GRM8: variants seen among roughly 807,000 people sequenced by gnomAD.
GRM8 encodes the protein metabotropic glutamate receptor 8.
In GRM8, 47 loss-of-function variants were observed where a neutral mutation model predicts 87.2. The observed-to-expected ratio is 0.54, with a 90% CI of 0.43 to 0.69. GRM8 has a LOEUF of 0.69. Among genes scored for constraint, GRM8 ranks in the 30% least tolerant of loss-of-function variants. The pLI, the probability that GRM8 is intolerant of heterozygous loss-of-function variation, is 0.00. For missense variants in GRM8, 1,019 were observed against 1,139.2 expected, an observed-to-expected ratio of 0.89 and a Z score of 1.52; for synonymous variants, 396 against 404.5, an observed-to-expected ratio of 0.98 and a Z score of 0.25.
intron 7 of GRM8, among the ~76,000 whole-genome samples, chr7:126,680,381 G>T (rs1262348841): frequency 1.3e-5 from 2 of 152,158 alleles, no homozygotes; most frequent in Non-Finnish European, 2.9e-5. Flanking sequence ...ATATGTTCAA[G>T]TTTCTAAATA....
At chr7:126,743,840 T>A (rs1367615728) in intron 7 of GRM8, among the ~76,000 whole-genome samples, 2 of 152,042 alleles carry the variant, frequency 1.3e-5, no homozygotes, top group African/African-American at 4.8e-5. Context: ...GAAAAACATT[T>A]TCATAGCAAT....
chr7:126,710,360 A>C (rs1164929238), intron 7 of GRM8, among the ~76,000 whole-genome samples: 1 of 152,208 alleles, frequency 6.6e-6, no homozygotes, highest in Non-Finnish European at 1.5e-5. Flanking sequence ...TATGCTGTTT[A>C]ATAGCATTTT....
intron 2 of GRM8, among the ~76,000 whole-genome samples, chr7:127,136,239 C>T (rs1464595456): frequency 1.3e-5 from 2 of 152,108 alleles, no homozygotes; most frequent in South Asian, 2.1e-4. Context: ...ATGAACAGCT[C>T]TCATCAAATT....
chr7:126,974,670 C>G (rs1810771547), intron 3 of GRM8, among the ~76,000 whole-genome samples: 3 of 152,074 alleles, frequency 2.0e-5, no homozygotes, highest in Admixed American at 6.5e-5. Context: ...GTGGCTCACA[C>G]CTATAATTAA....
At chr7:127,023,711 C>G (rs1412485517) in intron 3 of GRM8, among the ~76,000 whole-genome samples, 1 of 152,062 alleles carries the variant, frequency 6.6e-6, no homozygotes, top group Admixed American at 6.6e-5. Context: ...TGGAAACAAA[C>G]CCCCCAAAAA....
intron 7 of GRM8, among the ~76,000 whole-genome samples, chr7:126,748,669 A>G (rs78506874): frequency 0.029 from 4,379 of 150,382 alleles, 219 homozygotes; most frequent in African/African-American, 0.1. Flanking sequence ...TAGATGCAAA[A>G]GGCATAGAAT....
At chr7:127,100,360 C>G (rs4728065) in intron 3 of GRM8, among the ~76,000 whole-genome samples, 35,982 of 151,958 alleles carry the variant, frequency 0.24, 5,032 homozygotes, top group Non-Finnish European at 0.33. Context: ...TTATCATCTC[C>G]CATAATTGAA....
intron 7 of GRM8, among the ~76,000 whole-genome samples, chr7:126,761,927 T>G (rs752694619): frequency 2.6e-5 from 4 of 152,338 alleles, no homozygotes; most frequent in African/African-American, 4.8e-5. Flanking sequence ...TAAGCTTCCC[T>G]TATGTAGTTT....
At chr7:126,652,162 T>C (rs917583120) in intron 7 of GRM8, among the ~76,000 whole-genome samples, 10 of 152,272 alleles carry the variant, frequency 6.6e-5, no homozygotes, top group African/African-American at 2.4e-4. Flanking sequence ...TCTTTTAACA[T>C]GTGACATCAG....
At chr7:127,193,865 T>A (rs1297097595) in intron 2 of GRM8, among the ~76,000 whole-genome samples, 1 of 152,074 alleles carries the variant, frequency 6.6e-6, no homozygotes, top group Non-Finnish European at 1.5e-5. Flanking sequence ...GATCCAAGCA[T>A]CAGAAAACAA....
At chr7:127,167,123 G>T (rs1367971750) in intron 2 of GRM8, among the ~76,000 whole-genome samples, 5 of 152,086 alleles carry the variant, frequency 3.3e-5, no homozygotes, top group African/African-American at 9.7e-5. Flanking sequence ...GTGGAAAGTG[G>T]GGGCAATCTG....
chr7:126,963,006 T>G (rs978302603), intron 3 of GRM8, among the ~76,000 whole-genome samples: 3 of 152,254 alleles, frequency 2.0e-5, no homozygotes, highest in African/African-American at 7.2e-5. Flanking sequence ...AATATACATA[T>G]ACATTACCTG....
chr7:126,818,144 T>C (rs775652837), intron 6 of GRM8, among the ~76,000 whole-genome samples: 3 of 151,924 alleles, frequency 2.0e-5, no homozygotes, highest in Non-Finnish European at 4.4e-5. Flanking sequence ...GGAAAAGGAA[T>C]CTTCTAAGAA....
chr7:127,125,023 T>G (rs1289781312), intron 2 of GRM8, among the ~76,000 whole-genome samples: 3 of 152,136 alleles, frequency 2.0e-5, no homozygotes, highest in Non-Finnish European at 4.4e-5. Context: ...AATGGACATC[T>G]GTTGAAAAAA....
chr7:127,073,011 C>T lies in GRM8; in HGVS notation c.727+33485G>A, dbSNP rs114447347. Among the ~76,000 whole-genome samples the T allele has an allele frequency of 2.1e-3, 311 of 150,226 alleles. 3 individuals carry two copies. Among genetic ancestry groups the T allele is most frequent in the African/African-American group, 7.3e-3 (298 of 40,836 alleles). ...TTTTCCTTCAAAAAGTAGTATTCTA[C>T]AGGAAAAACTCTCAGAGGAGGGGAG... is the stretch of plus-strand genomic sequence containing the variant. On this transcript the variant is annotated intron_variant, in intron 3 of 10. Coordinates refer to ENST00000339582, the MANE Select transcript of GRM8 (RefSeq NM_000845.3).
At chr7:126,713,363 A>G (rs7791956) in intron 7 of GRM8, among the ~76,000 whole-genome samples, 72,275 of 151,832 alleles carry the variant, frequency 0.48, 18,567 homozygotes, top group African/African-American at 0.67. Context: ...ACCAAATACC[A>G]CATGTTCTCA....
chr7:126,772,270 G>A (rs1231101454), intron 6 of GRM8, among the ~76,000 whole-genome samples: 2 of 152,140 alleles, frequency 1.3e-5, no homozygotes, highest in Non-Finnish European at 2.9e-5. Context: ...AGAGGCAAGT[G>A]ACGAGGAAAT....
chr7:126,631,877 T>A (rs1455992543), intron 7 of GRM8, among the ~76,000 whole-genome samples: 1 of 152,066 alleles, frequency 6.6e-6, no homozygotes, highest in African/African-American at 2.4e-5. Context: ...ATACAAAAAT[T>A]AACTCAAGAT....
chr7:126,950,268 G>A (rs1472308254), intron 3 of GRM8, among the ~76,000 whole-genome samples: 3 of 152,104 alleles, frequency 2.0e-5, no homozygotes, highest in African/African-American at 4.8e-5. Flanking sequence ...GAGCTTTCTG[G>A]TAAGAAGAAT....
Sources: gnomAD v4.1 joint callset for allele counts (sites outside exome capture counted in the v4.1 genomes callset) on GRCh38, gnomAD v4.1.1 for gene constraint, MANE v1.5 for transcripts, NCBI Gene and HGNC (gene_info 2026-07-23, HGNC 2026-07-21) for gene names.